GNG4: variants seen among roughly 807,000 people sequenced by gnomAD.
GNG4 encodes guanine nucleotide-binding protein G(I)/G(S)/G(O) subunit gamma-4.
GNG4 carries 4 observed loss-of-function variants against 5.8 expected under a neutral mutation model. The observed-to-expected ratio is 0.69, with a 90% CI of 0.34 to 1.57. The LOEUF is 1.57. Among genes scored for constraint, GNG4 ranks in the 40% most tolerant of loss-of-function variants. The pLI is 0.06. For missense variants in GNG4, 96 were observed against 95.1 expected (o/e 1.01, Z -0.04); for synonymous variants, 29 against 32.9 (o/e 0.88, Z 0.41).
At chr1:235,571,256 A>G (rs781668924) in intron 3 of GNG4, among the ~76,000 whole-genome samples, 8 of 152,208 alleles carry the variant, frequency 5.3e-5, no homozygotes, top group South Asian at 2.1e-4. Flanking sequence ...AAGAGATGGT[A>G]TGACATAAAG....
At chr1:235,617,473 A>C (rs533216990) in intron 1 of GNG4, among the ~76,000 whole-genome samples, 1 of 152,118 alleles carries the variant, frequency 6.6e-6, no homozygotes, top group Non-Finnish European at 1.5e-5. Flanking sequence ...TGTGGAGGTA[A>C]TGTAGCTTCC....
chr1:235,606,857 G>C (rs534360864), intron 1 of GNG4, among the ~76,000 whole-genome samples: 25 of 152,098 alleles, frequency 1.6e-4, no homozygotes, highest in Non-Finnish European at 2.9e-4. Flanking sequence ...AGCATGGGGG[G>C]GCGAGCAGAG....
chr1:235,565,842 T>A (rs1687180400), intron 3 of GNG4: 1 of 152,330 alleles, frequency 6.6e-6, no homozygotes, highest in East Asian at 1.9e-4. Context: ...ATCATCAGCC[T>A]CACAGGTGAC....
intron 3 of GNG4, among the ~76,000 whole-genome samples, chr1:235,563,529 T>C (rs555923565): frequency 2.4e-3 from 368 of 151,864 alleles, no homozygotes; most frequent in South Asian, 0.011. Flanking sequence ...TATGAGGAAA[T>C]TGGCTATACT....
intron 1 of GNG4, among the ~76,000 whole-genome samples, chr1:235,596,143 C>T (rs538059867): frequency 1.3e-5 from 2 of 150,508 alleles, no homozygotes; most frequent in South Asian, 4.2e-4. Context: ...CACTGCACTC[C>T]AGCCTGGGTG....
At chr1:235,572,843 A>G (rs950767300) in intron 3 of GNG4, among the ~76,000 whole-genome samples, 1 of 152,090 alleles carries the variant, frequency 6.6e-6, no homozygotes, top group African/African-American at 2.4e-5. Flanking sequence ...ACCGTCATAT[A>G]TGCAGTCTGT....
chr1:235,597,594 G>T (rs1344333408), intron 1 of GNG4, among the ~76,000 whole-genome samples: 1 of 92,844 alleles, frequency 1.1e-5, no homozygotes. Flanking sequence ...TTTGCTGTGT[G>T]TGTGTGTGTG....
intron 3 of GNG4, among the ~76,000 whole-genome samples, chr1:235,560,263 G>T (rs937655088): frequency 6.6e-6 from 1 of 152,226 alleles, no homozygotes; most frequent in African/African-American, 2.4e-5. Context: ...ATGCGAGCAT[G>T]TTAGGAGGTG....
At chr1:235,587,441 AGCG>A (rs1364623669) in intron 2 of GNG4, among the ~76,000 whole-genome samples, 4 of 16,026 alleles carry the variant, frequency 2.5e-4, no homozygotes, top group African/African-American at 8.4e-4. Context: ...AGGGTGGGTG[AGCG>A]TGTGTGAGGG....
chr1:235,549,715 A>G lies in GNG4; in HGVS notation c.*2394T>C, dbSNP rs571672308. On this transcript the variant is annotated 3_prime_UTR_variant, in exon 4 of 4. Transcript: ENST00000391854. Reference sequence around the variant, plus strand: ...AGAATGAGTTTTAACAAAAGAAGCAAGGAACAAAGATGTCCTAAATCCATT... The same window carrying G: ...AGAATGAGTTTTAACAAAAGAAGCAGGGAACAAAGATGTCCTAAATCCATT... 31 of 152,352 alleles carry G rather than the reference A, an allele frequency of 2.0e-4. No homozygotes were observed. Among genetic ancestry groups the G allele is most frequent in the African/African-American group, 6.3e-4 (26 of 41,580 alleles). 9.4% of individuals were successfully genotyped at this position (152,352 alleles called of 1,614,324 possible). A position where few individuals can be genotyped will look rare whatever the true frequency, so the allele number is the denominator to read the frequency against.
chr1:235,552,892 G>A (rs1686790873), intron 3 of GNG4, among the ~76,000 whole-genome samples: 1 of 152,128 alleles, frequency 6.6e-6, no homozygotes, highest in African/African-American at 2.4e-5. Flanking sequence ...CTCCCAAGTA[G>A]CTGAGATTAC....
chr1:235,617,920 A>AAAGAC (rs1383099481), intron 1 of GNG4, among the ~76,000 whole-genome samples: 1 of 151,876 alleles, frequency 6.6e-6, no homozygotes, highest in South Asian at 2.1e-4. Context: ...AAAGAAAAGA[A>AAAGAC]AAGACAAGAC....
In GNG4 at chr1:235,648,613, A is replaced by G. The variant is rs1657573280; in HGVS notation, c.-123+1049T>C. On this transcript the variant is annotated intron_variant, in intron 1 of 3. Transcript: ENST00000391854. The surrounding 1 kb of genome is among the most constrained non-coding windows in gnomAD (Gnocchi z 5.0). Reference sequence around the variant, plus strand: ...TACTGTGAGGCATTCGCCGCTGCAAATTTCCTGTCCACTGTGGGAAGCGGC... The same window carrying G: ...TACTGTGAGGCATTCGCCGCTGCAAGTTTCCTGTCCACTGTGGGAAGCGGC... Among the ~76,000 whole-genome samples the G allele has an allele frequency of 6.6e-6, 1 of 152,168 alleles. No individual in the cohort carries two copies. Among genetic ancestry groups the G allele is most frequent in the Non-Finnish European group, 1.5e-5 (1 of 68,044 alleles).
intron 3 of GNG4, among the ~76,000 whole-genome samples, chr1:235,568,793 C>CTTTTTTTTTTTTTTT (rs10625498): frequency 1.4e-5 from 2 of 144,578 alleles, no homozygotes; most frequent in Non-Finnish European, 3.0e-5. Flanking sequence ...TTTTTCTTTC[C>CTTTTTTTTTTTTTTT]TTTTTTTTTT....
At chr1:235,606,420 T>C (rs977387696) in intron 1 of GNG4, among the ~76,000 whole-genome samples, 3 of 151,440 alleles carry the variant, frequency 2.0e-5, no homozygotes, top group African/African-American at 7.3e-5. Flanking sequence ...GAGGAAACCA[T>C]GGGAGTCTAG....
chr1:235,628,875 G>A (rs1192155827), intron 1 of GNG4, among the ~76,000 whole-genome samples: 1 of 151,926 alleles, frequency 6.6e-6, no homozygotes, highest in African/African-American at 2.4e-5. Context: ...TTTTGCATTT[G>A]TAGAGTCTTC....
intron 1 of GNG4, among the ~76,000 whole-genome samples, chr1:235,633,389 T>C (rs575160910): frequency 2.0e-5 from 3 of 152,352 alleles, no homozygotes; most frequent in Non-Finnish European, 2.9e-5. Flanking sequence ...GAACTTCTCA[T>C]GTACCATATG....
chr1:235,600,099 G>C (rs1688221752), intron 1 of GNG4, among the ~76,000 whole-genome samples: 1 of 51,418 alleles, frequency 1.9e-5, no homozygotes, highest in East Asian at 3.8e-4. Context: ...GCGGAAGAAA[G>C]CTTTTTTTTT....
chr1:235,557,716 C>T lies in GNG4; in HGVS notation c.100-5479G>A, dbSNP rs796703604. ...GGGGCGCCTCACTGGGGAAGCTGCA[C>T]TATCAACCAGTACATCCTGTACATC... On this transcript the variant is annotated intron_variant, in intron 3 of 3. Coordinates refer to ENST00000391854, the MANE Select transcript of GNG4 (RefSeq NM_001098722.2). 3.3e-5 allele frequency among the ~76,000 whole-genome samples: 5 copies of T among 152,324 alleles called. 1 individual carries two copies. The highest frequency in any genetic ancestry group is 7.2e-5 in the African/African-American group (3 of 41,570).
Sources: allele counts gnomAD v4.1 joint callset (sites outside exome capture counted in the v4.1 genomes callset), GRCh38; gene constraint gnomAD v4.1.1; non-coding constraint Gnocchi (gnomAD v3.1); transcripts MANE v1.5; gene names NCBI Gene and HGNC (gene_info 2026-07-23, HGNC 2026-07-21).